Variants in TNRC6A observed in about 807,000 individuals in gnomAD.
TNRC6A encodes trinucleotide repeat containing adaptor 6A, also known as trinucleotide repeat-containing gene 6A protein.
Under a neutral mutation model 221.2 loss-of-function variants are expected in TNRC6A, and 44 were observed. That is an observed-to-expected ratio of 0.20 (90% CI 0.16 to 0.26). The LOEUF is 0.26. Among genes scored for constraint, TNRC6A ranks in the 10% least tolerant of loss-of-function variants. The pLI is 1.00. For synonymous variants in TNRC6A, 847 were observed against 838.5 expected, an observed-to-expected ratio of 1.01 and a Z score of -0.18; for missense variants, 2,199 against 2,404.4, an observed-to-expected ratio of 0.91 and a Z score of 1.79.
intron 2 of TNRC6A, among the ~76,000 whole-genome samples, chr16:24,715,634 T>A (rs574885883): frequency 6.6e-6 from 1 of 150,458 alleles, no homozygotes. Context: ...TTTTTTTTAA[T>A]TAAGACGGAG....
At chr16:24,772,236 T>C (rs567956342) in intron 4 of TNRC6A, among the ~76,000 whole-genome samples, 5 of 152,366 alleles carry the variant, frequency 3.3e-5, no homozygotes, top group African/African-American at 1.2e-4. Context: ...TTATTCCCAT[T>C]GTTTGGGATG....
chr16:24,758,248 CTT>C (rs754595502), intron 3 of TNRC6A, 89 bp from the exon 4 acceptor site: 5 of 1,264,844 alleles, frequency 4.0e-6, no homozygotes, highest in Non-Finnish European at 5.6e-6. Context: ...GTGTATATGT[CTT>C]ATATTAATAT....
Position 24,804,687 on chromosome 16 carries a change from TTCTG to T in TNRC6A, c.3838-11_3838-8del, listed in dbSNP as rs745807173. ...TTTGCTTGGCTGGTGTTGCACATCT[TTCTG>T]TCTGTCCAATCAGGATGGCATTGTA... On this transcript the variant is annotated splice_polypyrimidine_tract_variant and intron_variant, in intron 12 of 24. Coordinates refer to ENST00000395799, the MANE Select transcript of TNRC6A (RefSeq NM_014494.4). 3 of 1,562,404 alleles carry T rather than the reference TTCTG, an allele frequency of 1.9e-6. No individual in the cohort carries two copies. The highest frequency in any genetic ancestry group is 1.7e-6 in the Non-Finnish European group (2 of 1,161,536).
intron 2 of TNRC6A, among the ~76,000 whole-genome samples, chr16:24,647,231 T>C (rs1250723387): frequency 6.6e-6 from 1 of 152,106 alleles, no homozygotes; most frequent in Non-Finnish European, 1.5e-5. Flanking sequence ...CACGCCAGCC[T>C]AAAATATCTT....
intron 17 of TNRC6A, among the ~76,000 whole-genome samples, chr16:24,808,530 C>T (rs1252759580): frequency 6.6e-6 from 1 of 152,206 alleles, no homozygotes; most frequent in East Asian, 1.9e-4. Flanking sequence ...CCGGCTGAAC[C>T]TCTGCAGAAA....
intron 2 of TNRC6A, among the ~76,000 whole-genome samples, chr16:24,689,989 TAAAAAAAAAAAAAAAA>T (rs60944175): frequency 2.3e-4 from 22 of 97,516 alleles, no homozygotes; most frequent in South Asian, 7.7e-4. Flanking sequence ...AGGCTTAAAG[TAAAAAAAAAAAAAAAA>T]AAAAAAAAAA....
At chr16:24,750,911 T>G in intron 3 of TNRC6A, 98 bp downstream of exon 3, 1 of 1,146,228 alleles carries the variant, frequency 8.7e-7, no homozygotes. Context: ...TGATTTAATG[T>G]TTTAGCTTTA....
chr16:24,824,500 CA>C lies in TNRC6A; in HGVS notation c.*694del, dbSNP rs1474869754. 3 of 152,468 alleles carry C rather than the reference CA, an allele frequency of 2.0e-5. No homozygotes were observed. The highest frequency in any genetic ancestry group is 4.4e-5 in the Non-Finnish European group (3 of 68,022). The allele number at this position is 152,468 out of a possible 1,614,324, so 9.4% of individuals were successfully genotyped here. A position where few individuals can be genotyped will look rare whatever the true frequency, so the allele number is the denominator to read the frequency against. On this transcript the variant is annotated 3_prime_UTR_variant, in exon 25 of 25. Coordinates refer to ENST00000395799, the MANE Select transcript of TNRC6A (RefSeq NM_014494.4). ...CACCTGCCACCCAGGACGGGCCCTG[CA>C]CTTTGAATAGGCTTTCCATTTTGTT...
intron 2 of TNRC6A, among the ~76,000 whole-genome samples, chr16:24,707,197 T>C (rs2056112630): frequency 6.6e-6 from 1 of 152,046 alleles, no homozygotes; most frequent in South Asian, 2.1e-4. Context: ...GGTTTCAACA[T>C]ATTGGCCAGG....
At chr16:24,649,849 T>G (rs1325114349) in intron 2 of TNRC6A, among the ~76,000 whole-genome samples, 1 of 123,102 alleles carries the variant, frequency 8.1e-6, no homozygotes, top group East Asian at 2.5e-4. Flanking sequence ...TTTTTGGAGA[T>G]GGAACCTAGC....
At chr16:24,693,188 C>T (rs943386899) in intron 2 of TNRC6A, among the ~76,000 whole-genome samples, 2 of 152,034 alleles carry the variant, frequency 1.3e-5, no homozygotes, top group African/African-American at 4.8e-5. Context: ...GTTGCAGTGG[C>T]TCACATCTGT....
At chr16:24,766,526 A>C (rs2057474607) in intron 4 of TNRC6A, among the ~76,000 whole-genome samples, 1 of 152,176 alleles carries the variant, frequency 6.6e-6, no homozygotes, top group Non-Finnish European at 1.5e-5. Context: ...GCAAAGGTGA[A>C]TCACAGTGCA....
At chr16:24,654,460 T>G (rs1902843641) in intron 2 of TNRC6A, among the ~76,000 whole-genome samples, 1 of 152,130 alleles carries the variant, frequency 6.6e-6, no homozygotes, top group Non-Finnish European at 1.5e-5. Flanking sequence ...ATCCCAGCAC[T>G]TTGGGAAGCC....
At chr16:24,664,968 G>A (rs2055126446) in intron 2 of TNRC6A, 1 of 456,324 alleles carries the variant, frequency 2.2e-6, no homozygotes, top group African/African-American at 2.0e-5. Flanking sequence ...AGAATCACGG[G>A]ATGGTTGCAG....
chr16:24,729,903 G>T (rs1387447348), intron 1 of TNRC6A, 57 bp downstream of exon 1: 2 of 1,199,968 alleles, frequency 1.7e-6, no homozygotes, highest in African/African-American at 1.6e-5. Context: ...CTGCCGCAGG[G>T]CCCGCAACCC....
At chr16:24,626,403 G>A (rs921251009) in intron 1 of TNRC6A, among the ~76,000 whole-genome samples, 3 of 151,972 alleles carry the variant, frequency 2.0e-5, no homozygotes, top group African/African-American at 4.8e-5. Context: ...GAAGCTGCCC[G>A]CATGACTCAT....
At chr16:24,622,171 A>T (rs1327949935) in intron 1 of TNRC6A, among the ~76,000 whole-genome samples, 1 of 152,158 alleles carries the variant, frequency 6.6e-6, no homozygotes, top group African/African-American at 2.4e-5. Context: ...TATAATCCCA[A>T]CACTTTGAGA....
chr16:24,617,888 A>G (rs1900453130), intron 1 of TNRC6A, among the ~76,000 whole-genome samples: 1 of 151,914 alleles, frequency 6.6e-6, no homozygotes, highest in African/African-American at 2.4e-5. Flanking sequence ...ATTTGAATTA[A>G]TTTTTTTATT....
At chr16:24,747,869 T>G (rs1362066285) in intron 2 of TNRC6A, among the ~76,000 whole-genome samples, 6 of 151,900 alleles carry the variant, frequency 3.9e-5, no homozygotes, top group Admixed American at 2.0e-4. Flanking sequence ...GTCTTGAAAA[T>G]GAAGTTTGAG....
Sources: allele counts gnomAD v4.1 joint callset (sites outside exome capture counted in the v4.1 genomes callset), GRCh38; gene constraint gnomAD v4.1.1; transcripts MANE v1.5; gene names NCBI Gene and HGNC (gene_info 2026-07-23, HGNC 2026-07-21).